The following CCDC171 variants were observed in gnomAD, a reference collection of about 807,000 sequenced individuals.
CCDC171 encodes the protein coiled-coil domain containing 171.
In CCDC171, 177 loss-of-function variants were observed where a neutral mutation model predicts 168.2. The ratio of observed to expected loss-of-function variants is 1.05; its 90% CI spans 0.93 to 1.19. CCDC171 has a LOEUF of 1.19. CCDC171 is among the 50% of genes most tolerant of loss of function. The probability of loss-of-function intolerance (pLI) is 0.00; values close to 1 mark genes in which losing one functional copy is unlikely to be tolerated. For synonymous variants in CCDC171, 687 were observed against 540.8 expected (o/e 1.27, Z -3.75); for missense variants, 1,991 against 1,539.0 (o/e 1.29, Z -4.91).
At chr9:15,998,390 G>A (rs935238852) in intron 3 of CCDC171, among the ~76,000 whole-genome samples, 4 of 152,132 alleles carry the variant, frequency 2.6e-5, no homozygotes, top group Non-Finnish European at 4.4e-5. Flanking sequence ...CTCCTTCACT[G>A]GGAAGTGGAT....
At chr9:15,908,221 C>G (rs1379762121) in intron 24 of CCDC171, among the ~76,000 whole-genome samples, 1 of 152,106 alleles carries the variant, frequency 6.6e-6, no homozygotes, top group Non-Finnish European at 1.5e-5. Context: ...TTTATTGTGG[C>G]ACTATTCACG....
At chr9:16,046,630 G>T (rs1833666570) in intron 1 of CCDC171, among the ~76,000 whole-genome samples, 1 of 152,092 alleles carries the variant, frequency 6.6e-6, no homozygotes, top group East Asian at 1.9e-4. Flanking sequence ...TGAATCATGG[G>T]GGTGGTTTCT....
intron 21 of CCDC171, among the ~76,000 whole-genome samples, chr9:15,790,036 A>G (rs149922325): frequency 3.3e-5 from 5 of 152,268 alleles, no homozygotes; most frequent in Non-Finnish European, 7.4e-5. Flanking sequence ...AGTCTTTGCT[A>G]TTGTGAATAG....
chr9:15,636,461 A>T (rs1404131323), intron 7 of CCDC171, among the ~76,000 whole-genome samples: 2 of 152,134 alleles, frequency 1.3e-5, no homozygotes, highest in Non-Finnish European at 2.9e-5. Context: ...CTAAAAAAGG[A>T]TTAAGGGCCA....
At chr9:16,051,918 A>G (rs561812737) in intron 1 of CCDC171, among the ~76,000 whole-genome samples, 1 of 152,308 alleles carries the variant, frequency 6.6e-6, no homozygotes, top group Admixed American at 6.5e-5. Context: ...ATGAGGAGCA[A>G]AGTCACGTCT....
At chr9:15,980,811 C>T (rs1159120220) in intron 3 of CCDC171, among the ~76,000 whole-genome samples, 3 of 151,490 alleles carry the variant, frequency 2.0e-5, no homozygotes, top group East Asian at 3.9e-4. Flanking sequence ...CAACCCTGCC[C>T]CGCCCACCCA....
intron 4 of CCDC171, among the ~76,000 whole-genome samples, chr9:15,581,703 T>A (rs565229942): frequency 6.6e-6 from 1 of 151,928 alleles, no homozygotes; most frequent in Non-Finnish European, 1.5e-5. Context: ...TTTAATAAAT[T>A]GTGTTGGGAA....
intron 18 of CCDC171, among the ~76,000 whole-genome samples, chr9:15,774,289 G>A (rs1186151403): frequency 7.1e-6 from 1 of 140,512 alleles, no homozygotes; most frequent in Non-Finnish European, 1.5e-5. Flanking sequence ...TCATCAGAAA[G>A]TAGGCTAAGG....
intron 21 of CCDC171, among the ~76,000 whole-genome samples, chr9:15,821,888 C>A (rs2059787214): frequency 2.0e-5 from 1 of 49,672 alleles, no homozygotes; most frequent in African/African-American, 7.6e-5. Context: ...CAATCCTAAG[C>A]CAAAAGAACA....
At chr9:15,950,218 G>C (rs1398041846) in intron 25 of CCDC171, among the ~76,000 whole-genome samples, 1 of 148,886 alleles carries the variant, frequency 6.7e-6, no homozygotes, top group Non-Finnish European at 1.5e-5. Flanking sequence ...TCATCCAGGA[G>C]AACTTCCCCA....
At chr9:15,593,128 T>G (rs571218233) in intron 5 of CCDC171, among the ~76,000 whole-genome samples, 1 of 151,896 alleles carries the variant, frequency 6.6e-6, no homozygotes, top group African/African-American at 2.4e-5. Context: ...TATTTAGCCC[T>G]TGGGGGAAAA....
intron 24 of CCDC171, among the ~76,000 whole-genome samples, chr9:15,904,057 A>G (rs530931054): frequency 5.7e-4 from 87 of 152,342 alleles, no homozygotes; most frequent in African/African-American, 2.0e-3. Flanking sequence ...TGATTGGTGT[A>G]CCTGAAAGTG....
chr9:16,011,748 G>T (rs905305012), intron 3 of CCDC171, among the ~76,000 whole-genome samples: 1 of 152,200 alleles, frequency 6.6e-6, no homozygotes. Flanking sequence ...AGATATAGAC[G>T]TTGCTTTCCC....
chr9:16,045,129 C>T (rs1232305519), intron 1 of CCDC171, among the ~76,000 whole-genome samples: 2 of 152,144 alleles, frequency 1.3e-5, no homozygotes, highest in Non-Finnish European at 1.5e-5. Flanking sequence ...CCACCTTACT[C>T]AGACCAGAAA....
intron 21 of CCDC171, among the ~76,000 whole-genome samples, chr9:15,805,468 A>C (rs561347923): frequency 6.6e-6 from 1 of 152,244 alleles, no homozygotes; most frequent in Admixed American, 6.5e-5. Flanking sequence ...GTTTCAAAGA[A>C]CTTCTTGATT....
chr9:16,041,107 T>C (rs147659695), upstream of CCDC171, among the ~76,000 whole-genome samples: 146 of 152,252 alleles, frequency 9.6e-4, no homozygotes, highest in African/African-American at 3.4e-3. Flanking sequence ...TTAATGAAAG[T>C]TCAAGATGAC....
At chr9:15,738,274 A>C (rs563309740) in intron 16 of CCDC171, among the ~76,000 whole-genome samples, 1 of 152,322 alleles carries the variant, frequency 6.6e-6, no homozygotes, top group Non-Finnish European at 1.5e-5. Context: ...CATGTATTTC[A>C]GGAAGTAAGT....
At chr9:16,099,252 G>A in the CCDC171 span, among the ~76,000 whole-genome samples, 1 of 152,176 alleles carries the variant, frequency 6.6e-6, no homozygotes, top group Admixed American at 6.5e-5. Flanking sequence ...CTTCTTAGGA[G>A]CCTTGGTCTG....
At chr9:16,052,427 A>G (rs1833764355) in intron 1 of CCDC171, among the ~76,000 whole-genome samples, 1 of 152,072 alleles carries the variant, frequency 6.6e-6, no homozygotes, top group Non-Finnish European at 1.5e-5. Flanking sequence ...GGCCCAAGAT[A>G]CCCCTGGGTT....
Sources: gnomAD v4.1 joint callset for allele counts (sites outside exome capture counted in the v4.1 genomes callset) on GRCh38, gnomAD v4.1.1 for gene constraint, MANE v1.5 for transcripts, NCBI Gene and HGNC (gene_info 2026-07-23, HGNC 2026-07-21) for gene names.